CD48: variants seen among roughly 807,000 people sequenced by gnomAD.
CD48 encodes the protein CD48 molecule.
Under a neutral mutation model 22.0 loss-of-function variants are expected in CD48, and 20 were observed. The observed-to-expected ratio is 0.91, with a 90% CI of 0.64 to 1.32. The LOEUF (loss-of-function observed/expected upper bound fraction) is 1.32. CD48 is among the 40% of genes most tolerant of loss of function. CD48 has a pLI of 0.00. For missense variants in CD48, 307 were observed against 286.5 expected, an observed-to-expected ratio of 1.07 and a Z score of -0.52; for synonymous variants, 110 against 110.1, an observed-to-expected ratio of 1.00 and a Z score of 0.01.
intron 1 of CD48, among the ~76,000 whole-genome samples, chr1:160,700,812 T>A (rs1292140256): frequency 1.3e-5 from 2 of 152,198 alleles, no homozygotes; most frequent in Admixed American, 6.5e-5. Flanking sequence ...CTTTTTGAGG[T>A]TGAATACATT....
intron 1 of CD48, 30 bp from the exon 2 acceptor site, chr1:160,685,219 G>A (rs780573252): frequency 5.2e-5 from 81 of 1,550,042 alleles, no homozygotes; most frequent in East Asian, 9.0e-5. Flanking sequence ...TGAGACCTGC[G>A]CTAGAGGAGG....
Position 160,685,036 on chromosome 1 carries a change from G to A in CD48, c.236C>T (p.Ser79Phe). The A allele has an allele frequency of 1.2e-6, 2 of 1,614,172 alleles. No individual in the cohort carries two copies. The highest frequency in any genetic ancestry group is 1.7e-6 in the Non-Finnish European group (2 of 1,180,030). Residue 79 changes from serine (S) to phenylalanine (F), a missense_variant, in exon 2 of 4, where the codon TCC becomes TTC. By Grantham distance (155) the Ser-to-Phe change is radical. Coordinates refer to ENST00000368046, the MANE Select transcript of CD48 (RefSeq NM_001778.4). ...WDSRKSKYFE[S>F]KFKGRVRLDP... ...AAGTCTGACCCTGCCTTTAAATTTG[G>A]ATTCAAAGTACTTAGATTTTCTGGA...
At chr1:160,698,563 A>G (rs1662513721) in intron 1 of CD48, among the ~76,000 whole-genome samples, 1 of 152,136 alleles carries the variant, frequency 6.6e-6, no homozygotes, top group South Asian at 2.1e-4. Context: ...AAAAATTGGC[A>G]AGTCAAATTA....
At chr1:160,692,834 G>T (rs1237062377) in intron 1 of CD48, among the ~76,000 whole-genome samples, 1 of 152,196 alleles carries the variant, frequency 6.6e-6, no homozygotes, top group Non-Finnish European at 1.5e-5. Flanking sequence ...AATGCTAAAA[G>T]ATATGAAAGA....
At chr1:160,701,156 T>C (rs530506804) in intron 1 of CD48, among the ~76,000 whole-genome samples, 233 of 124,310 alleles carry the variant, frequency 1.9e-3, no homozygotes, top group African/African-American at 6.3e-3. Context: ...TTTCACAATC[T>C]GATTTATGTA....
chr1:160,698,315 C>T (rs578184646), intron 1 of CD48, among the ~76,000 whole-genome samples: 16 of 152,176 alleles, frequency 1.1e-4, no homozygotes, highest in African/African-American at 3.4e-4. Context: ...GTCCACGGAC[C>T]GACCGTGGGA....
rs1233318114 is a variant in CD48, at chr1:160,685,026, T to A, written c.246A>T (p.Lys82Asn). The change falls in exon 2 of 4, where the codon AAA becomes AAT. Residue 82 changes from lysine to asparagine, a missense_variant. Lys to Asn is a moderately conservative substitution (Grantham distance 94). Coordinates refer to ENST00000368046, the MANE Select transcript of CD48 (RefSeq NM_001778.4). ...TCTGAGGATCAAGTCTGACCCTGCC[T>A]TTAAATTTGGATTCAAAGTACTTAG... ...RKSKYFESKF[K>N]GRVRLDPQSG... 3.7e-6 allele frequency: 6 copies of A among 1,614,106 alleles called. No individual in the cohort carries two copies. The highest frequency in any genetic ancestry group is 5.1e-6 in the Non-Finnish European group (6 of 1,180,032).
intron 1 of CD48, among the ~76,000 whole-genome samples, chr1:160,694,728 A>G (rs537864756): frequency 6.6e-6 from 1 of 152,234 alleles, no homozygotes; most frequent in Admixed American, 6.5e-5. Context: ...AAAATAAATC[A>G]CGGAAGAGAA....
Position 160,688,795 on chromosome 1 carries a change from A to G in CD48, c.83-3606T>C, listed in dbSNP as rs1662089349. Among the ~76,000 whole-genome samples, 3 of 152,316 alleles carry G rather than the reference A, an allele frequency of 2.0e-5. No individual in the cohort carries two copies. The South Asian group carries it at 6.2e-4, about 32-fold the overall frequency. On this transcript the variant is annotated intron_variant, in intron 1 of 3. Coordinates refer to ENST00000368046, the MANE Select transcript of CD48 (RefSeq NM_001778.4). ...AGGGAAAGAATGAGCTGATCCTCCTATGCAAAGTAGAATGATGATTCTCGT... is the reference window on the plus strand; with the variant it reads ...AGGGAAAGAATGAGCTGATCCTCCTGTGCAAAGTAGAATGATGATTCTCGT...
At chr1:160,700,219 T>G (rs1662583402) in intron 1 of CD48, among the ~76,000 whole-genome samples, 1 of 152,176 alleles carries the variant, frequency 6.6e-6, no homozygotes. Flanking sequence ...AGGAACCACC[T>G]AAGAAGTCAT....
intron 1 of CD48, among the ~76,000 whole-genome samples, chr1:160,695,455 G>GA (rs1185123885): frequency 6.6e-6 from 1 of 151,946 alleles, no homozygotes; most frequent in Non-Finnish European, 1.5e-5. Flanking sequence ...GATGCAGATA[G>GA]AAAATAGAAA....
intron 1 of CD48, among the ~76,000 whole-genome samples, chr1:160,704,513 A>T (rs531061753): frequency 6.6e-6 from 1 of 152,340 alleles, no homozygotes; most frequent in African/African-American, 2.4e-5. Context: ...CTCACTGGCA[A>T]TGGCCATGGA....
chr1:160,702,034 G>C (rs1662646488), intron 1 of CD48, among the ~76,000 whole-genome samples: 1 of 152,136 alleles, frequency 6.6e-6, no homozygotes, highest in African/African-American at 2.4e-5. Flanking sequence ...AGTAAAAGCA[G>C]TTGAGCAACT....
intron 1 of CD48, among the ~76,000 whole-genome samples, chr1:160,707,956 C>T (rs1662840896): frequency 6.6e-6 from 1 of 152,162 alleles, no homozygotes; most frequent in South Asian, 2.1e-4. Flanking sequence ...GGCTCCTTCC[C>T]TTGAGCTTCA....
intron 1 of CD48, among the ~76,000 whole-genome samples, chr1:160,697,131 G>T (rs1045483071): frequency 2.6e-5 from 4 of 152,000 alleles, no homozygotes; most frequent in African/African-American, 9.7e-5. Context: ...AAAAAGAACA[G>T]CCCACATGAA....
rs778882203 is a variant in CD48, at chr1:160,706,798, C to T, written c.82+4884G>A. Among the ~76,000 whole-genome samples, 18 of 152,052 alleles carry T rather than the reference C, an allele frequency of 1.2e-4. 1 individual carries two copies. Among genetic ancestry groups the T allele is most frequent in the East Asian group, 3.9e-4 (2 of 5,174 alleles). Reference sequence around the variant, plus strand: ...AGTCTGTAGAAAAACAGAATTGTAACGGGAAAAAATTCAGATCAAAGGAAG... The same window carrying T: ...AGTCTGTAGAAAAACAGAATTGTAATGGGAAAAAATTCAGATCAAAGGAAG... On this transcript the variant is annotated intron_variant, in intron 1 of 3. Coordinates refer to ENST00000368046, the MANE Select transcript of CD48 (RefSeq NM_001778.4).
At chr1:160,701,379 G>C (rs963229275) in intron 1 of CD48, among the ~76,000 whole-genome samples, 40 of 151,874 alleles carry the variant, frequency 2.6e-4, no homozygotes, top group African/African-American at 9.4e-4. Context: ...AGTTGCAACT[G>C]CTCAGAAACC....
At chr1:160,690,801 A>T (rs562404134) in intron 1 of CD48, among the ~76,000 whole-genome samples, 1 of 152,324 alleles carries the variant, frequency 6.6e-6, no homozygotes, top group South Asian at 2.1e-4. Flanking sequence ...GAAAAGCAAG[A>T]GAGGTCAGAT....
At position 160,681,461 on chromosome 1, in the gene CD48, T is replaced by C. The variant is rs141063760; in HGVS notation, c.393A>G (p.Val131=). The C allele has an allele frequency of 1.2e-6, 2 of 1,613,744 alleles. No individual in the cohort carries two copies. The highest frequency in any genetic ancestry group is 1.3e-5 in the African/African-American group (1 of 74,880). ...TCTCAATTTTGATGACAGGCTTGGG[T>C]ACAGGGTCTGAAAGTGAGGAGGATG... is the stretch of plus-strand genomic sequence containing the variant. ...WKIKLQVLDP[V]PKPVIKIEKI... The change falls in exon 3 of 4, where the codon GTA becomes GTG. Residue 131 remains valine (V), a synonymous_variant. Coordinates refer to ENST00000368046, the MANE Select transcript of CD48 (RefSeq NM_001778.4).
Sources: allele counts gnomAD v4.1 joint callset (sites outside exome capture counted in the v4.1 genomes callset), GRCh38; gene constraint gnomAD v4.1.1; transcripts MANE v1.5; gene names NCBI Gene and HGNC (gene_info 2026-07-23, HGNC 2026-07-21).